Variants in SYT7 observed in about 807,000 individuals in gnomAD.
The protein encoded by SYT7 is synaptotagmin 7.
In SYT7, 29 loss-of-function variants were observed where a neutral mutation model predicts 75.1. That is an observed-to-expected ratio of 0.39 (90% CI 0.29 to 0.53). The LOEUF is 0.53. SYT7 is among the 20% of genes least tolerant of loss of function. The pLI, the probability that SYT7 is intolerant of heterozygous loss-of-function variation, is 0.77. For missense variants in SYT7, 693 were observed against 953.2 expected (o/e 0.73, Z 3.59); for synonymous variants, 376 against 401.7 (o/e 0.94, Z 0.76).
rs367583941 is a variant in SYT7 at position 61,551,144 on chromosome 11, G to A, written c.215+240C>T. ...TGAGGTGGGCGCAGAAGGTGCTGGC[G>A]GTGAGGGCAGCGGAAACGGAGGCCA... On this transcript the variant is annotated intron_variant, in intron 3 of 12. Transcript: ENST00000539008. This position sits in a 1 kb window ranked among gnomAD's most constrained non-coding sequence, Gnocchi z 5.3. Among the ~76,000 whole-genome samples, 11 of 152,248 alleles carry A rather than the reference G, an allele frequency of 7.2e-5. No individual in the cohort carries two copies. In the East Asian group the frequency reaches 1.5e-3, roughly 21 times the overall value.
In SYT7 at chr11:61,542,072, GCTGCCAAGTCTGCTTGGCACC is replaced by G. The variant is rs796126362; in HGVS notation, c.941+118_941+138del. 126 of 1,175,036 alleles carry G rather than the reference GCTGCCAAGTCTGCTTGGCACC, an allele frequency of 1.1e-4. No individual in the cohort carries two copies. The African/African-American group carries it at 1.6e-3, about 15-fold the overall frequency. 72.8% of individuals were successfully genotyped at this position (1,175,036 alleles called of 1,614,324 possible). Reference sequence around the variant, plus strand: ...GGAGCCACAAGAGGCTAAGGAGGGGGCTGCCAAGTCTGCTTGGCACCCTGCCAAGGGGATGGAGGGCCGGGA... The same window carrying G: ...GGAGCCACAAGAGGCTAAGGAGGGGGCTGCCAAGGGGATGGAGGGCCGGGA... On this transcript the variant is annotated intron_variant, in intron 6 of 12. Transcript: ENST00000539008. This position sits in a 1 kb window ranked among gnomAD's most constrained non-coding sequence, Gnocchi z 7.8.
In SYT7 at chr11:61,524,923, C is replaced by T. The variant is rs2062465076; in HGVS notation, c.1472-391G>A. 5.8e-6 allele frequency: 1 copy of T among 171,726 alleles called. No homozygotes were observed. 10.6% of individuals were successfully genotyped at this position (171,726 alleles called of 1,614,324 possible). A position where few individuals can be genotyped will look rare whatever the true frequency, so the allele number is the denominator to read the frequency against. On this transcript the variant is annotated intron_variant, in intron 9 of 12. Transcript: ENST00000539008. This position sits in a 1 kb window ranked among gnomAD's most constrained non-coding sequence, Gnocchi z 4.1. ...CCGAGGCGGGTCTGGGCAAGTGGCT[C>T]TGTCTAGGTGGCCACAGCTGCCAGT...
At position 61,515,457 on chromosome 11, in the gene SYT7, T is replaced by C. The variant is rs2062125993; in HGVS notation, c.*3170A>G. 1 of 149,618 alleles carries C rather than the reference T, an allele frequency of 6.7e-6. No individual in the cohort carries two copies. Among genetic ancestry groups the C allele is most frequent in the Non-Finnish European group, 1.5e-5 (1 of 67,168 alleles). The allele number at this position is 149,618 out of a possible 1,614,324, so 9.3% of individuals were successfully genotyped here. On this transcript the variant is annotated 3_prime_UTR_variant, in exon 13 of 13. Transcript: ENST00000539008. ...GGAAAAATTTTGTATGGTTCTTTTTTTCCTGTTTTTTTTTTTTCTTCAGTT... is the reference window on the plus strand; with the variant it reads ...GGAAAAATTTTGTATGGTTCTTTTTCTCCTGTTTTTTTTTTTTCTTCAGTT...
At position 61,524,619 on chromosome 11, in the gene SYT7, G is replaced by A. The variant is rs11600886; in HGVS notation, c.1472-87C>T. The A allele has an allele frequency of 0.026, 36,746 of 1,393,602 alleles. 653 individuals are homozygous for A. Among genetic ancestry groups the A allele is most frequent in the Non-Finnish European group, 0.029 (30,071 of 1,033,192 alleles). 86.3% of individuals were successfully genotyped at this position (1,393,602 alleles called of 1,614,324 possible). On this transcript the variant is annotated intron_variant, in intron 9 of 12. Transcript: ENST00000539008. This position sits in a 1 kb window ranked among gnomAD's most constrained non-coding sequence, Gnocchi z 4.1. ...GCAAGGAAGGCCCTGGGAAGAGGAG[G>A]CAGGCCCTGTGCCCTCCCGCTGCCA...
At chr11:61,570,184 G>A (rs1449899300) in intron 1 of SYT7, among the ~76,000 whole-genome samples, 1 of 152,240 alleles carries the variant, frequency 6.6e-6, no homozygotes, top group African/African-American at 2.4e-5. Context: ...AGGGCTCAGG[G>A]GCTAAGTCCT....
intron 3 of SYT7, among the ~76,000 whole-genome samples, chr11:61,547,891 A>G (rs1408619443): frequency 6.6e-6 from 1 of 152,198 alleles, no homozygotes; most frequent in Non-Finnish European, 1.5e-5. Context: ...GGAGAACTCA[A>G]GGTTCTCTCC....
At position 61,553,878 on chromosome 11, in the gene SYT7, T is replaced by C. The variant is rs147065496; in HGVS notation, c.135+2226A>G. On this transcript the variant is annotated intron_variant, in intron 2 of 12. Transcript: ENST00000539008. This position sits in a 1 kb window ranked among gnomAD's most constrained non-coding sequence, Gnocchi z 5.2. ...AAGGAGAGCCCAACAACTGTGTGTG[T>C]TGGGGGAGGGGACAGCGTTTTAAAG... Among the ~76,000 whole-genome samples, 4 of 152,234 alleles carry C rather than the reference T, an allele frequency of 2.6e-5. No homozygotes were observed. The highest frequency in any genetic ancestry group is 6.5e-5 in the Admixed American group (1 of 15,310).
rs1392683562 is a variant in SYT7, at chr11:61,516,384, C to G, written c.*2243G>C. ...CTCTCTGCATAGGATTGGCTAAGAG[C>G]TCTGTGGGCGGGGCTCGGGAAAAAT... On this transcript the variant is annotated 3_prime_UTR_variant, in exon 13 of 13. Transcript: ENST00000539008. The surrounding 1 kb of genome is among the most constrained non-coding windows in gnomAD (Gnocchi z 4.6). 1 of 152,200 alleles carries G rather than the reference C, an allele frequency of 6.6e-6. No individual in the cohort carries two copies. The highest frequency in any genetic ancestry group is 1.5e-5 in the Non-Finnish European group (1 of 68,038). The allele number at this position is 152,200 out of a possible 1,614,324, so 9.4% of individuals were successfully genotyped here. A position where few individuals can be genotyped will look rare whatever the true frequency, so the allele number is the denominator to read the frequency against.
At chr11:61,565,777 A>G (rs924997328) in intron 1 of SYT7, among the ~76,000 whole-genome samples, 1 of 152,248 alleles carries the variant, frequency 6.6e-6, no homozygotes, top group Non-Finnish European at 1.5e-5. Context: ...CAAAAGAGGA[A>G]GCCCAAGGGG....
chr11:61,521,449 C>G (rs577870204), intron 12 of SYT7, among the ~76,000 whole-genome samples: 210 of 152,308 alleles, frequency 1.4e-3, no homozygotes, highest in African/African-American at 4.9e-3. Context: ...TGGCAAGACC[C>G]GAGCCCTGGC....
At chr11:61,581,822 A>G (rs932506912), upstream of SYT7, among the ~76,000 whole-genome samples, 1 of 152,062 alleles carries the variant, frequency 6.6e-6, no homozygotes, top group Non-Finnish European at 1.5e-5. Flanking sequence ...CCTTGACCCT[A>G]GCACTTCGGA....
intron 1 of SYT7, among the ~76,000 whole-genome samples, chr11:61,560,231 C>T (rs562566448): frequency 2.0e-5 from 3 of 152,142 alleles, no homozygotes; most frequent in African/African-American, 4.8e-5. Flanking sequence ...ACTAGAGGTA[C>T]GTGGTTAGTT....
chr11:61,529,122 C>T (rs1246213981), intron 8 of SYT7, among the ~76,000 whole-genome samples: 6 of 152,086 alleles, frequency 3.9e-5, no homozygotes, highest in Non-Finnish European at 5.9e-5. Flanking sequence ...CACAACAGAC[C>T]CAGTTAGGGG....
At position 61,524,339 on chromosome 11, in the gene SYT7, T is replaced by A. The variant is rs2062444597; in HGVS notation, c.1641+24A>T. On this transcript the variant is annotated intron_variant, in intron 10 of 12. Coordinates refer to ENST00000539008, the MANE Select transcript of SYT7 (RefSeq NM_001365809.2). This position sits in a 1 kb window ranked among gnomAD's most constrained non-coding sequence, Gnocchi z 4.1. ...AGCCCTGCCCTGCTGCCTGTCCAGC[T>A]AAGACCCACCCATGGGGCCTTACAC... 1 of 1,613,240 alleles carries A rather than the reference T, an allele frequency of 6.2e-7. No individual in the cohort carries two copies. The highest frequency in any genetic ancestry group is 1.7e-5 in the Admixed American group (1 of 59,934).
At chr11:61,555,772 CGT>C (rs111623304) in intron 2 of SYT7, among the ~76,000 whole-genome samples, 1 of 151,066 alleles carries the variant, frequency 6.6e-6, no homozygotes, top group Non-Finnish European at 1.5e-5. Flanking sequence ...GGAGGCAGGG[CGT>C]GTGTGTGTGT....
rs1565188465 is a variant in SYT7 at position 61,546,646 on chromosome 11, GGAGGAA to G, written c.348-397_348-392del. 2.1e-6 allele frequency: 1 copy of G among 466,796 alleles called. No homozygotes were observed. Among genetic ancestry groups the G allele is most frequent in the Non-Finnish European group, 4.3e-6 (1 of 234,386 alleles). 28.9% of individuals were successfully genotyped at this position (466,796 alleles called of 1,614,324 possible). ...CACAGGACAACGAAGGGTTAACGAC[GGAGGAA>G]GAGCGGGCTGTCCAGGCCAGGAGGC... On this transcript the variant is annotated intron_variant, in intron 4 of 12. Transcript: ENST00000539008. The surrounding 1 kb of genome is among the most constrained non-coding windows in gnomAD (Gnocchi z 7.6).
chr11:61,528,885 A>T (rs1270626868), intron 8 of SYT7, among the ~76,000 whole-genome samples: 1 of 152,142 alleles, frequency 6.6e-6, no homozygotes, highest in Non-Finnish European at 1.5e-5. Context: ...TGTACCGTCC[A>T]TGGGGGCTGA....
intron 1 of SYT7, among the ~76,000 whole-genome samples, chr11:61,565,936 G>A (rs1198477479): frequency 1.3e-5 from 2 of 152,282 alleles, no homozygotes; most frequent in Non-Finnish European, 2.9e-5. Context: ...AGATGCAGAC[G>A]GTTTAGAATT....
At chr11:61,547,403 G>A in intron 3 of SYT7, 95 bp from the exon 4 acceptor site, 1 of 1,417,990 alleles carries the variant, frequency 7.1e-7, no homozygotes, top group Non-Finnish European at 9.4e-7. Flanking sequence ...AGGACCCCGG[G>A]GCCGGGCACA....
Sources: gnomAD v4.1 joint callset for allele counts (sites outside exome capture counted in the v4.1 genomes callset) on GRCh38, gnomAD v4.1.1 for gene constraint, Gnocchi (gnomAD v3.1) non-coding constraint, MANE v1.5 for transcripts, NCBI Gene and HGNC (gene_info 2026-07-23, HGNC 2026-07-21) for gene names.